Variants in SCP2 observed in about 807,000 individuals in gnomAD.
SCP2 encodes SCP-2/3-oxoacyl-CoA thiolase.
Under a neutral mutation model 71.4 loss-of-function variants are expected in SCP2, and 48 were observed. That is an observed-to-expected ratio of 0.67 (90% CI 0.53 to 0.86). The LOEUF is 0.86. Among genes scored for constraint, SCP2 ranks in the 40% least tolerant of loss-of-function variants. SCP2 has a pLI of 0.00. For missense variants in SCP2, 560 were observed against 655.6 expected (o/e 0.85, Z 1.59); for synonymous variants, 220 against 218.1 (o/e 1.01, Z -0.08).
At chr1:52,986,566 T>C (rs574922113) in intron 10 of SCP2, among the ~76,000 whole-genome samples, 2 of 152,226 alleles carry the variant, frequency 1.3e-5, no homozygotes, top group Non-Finnish European at 2.9e-5. Context: ...CTTTTGTTTT[T>C]GAAGGCAATA....
intron 1 of SCP2, among the ~76,000 whole-genome samples, chr1:52,928,098 A>C (rs1422354835): frequency 1.3e-5 from 2 of 152,018 alleles, no homozygotes; most frequent in Non-Finnish European, 2.9e-5. Flanking sequence ...TTCACCTGTT[A>C]ACTTTTGTGC....
chr1:53,002,012 G>A (rs1387408903), intron 11 of SCP2, among the ~76,000 whole-genome samples: 8 of 152,098 alleles, frequency 5.3e-5, no homozygotes, highest in South Asian at 2.1e-4. Flanking sequence ...GTGAAACCCC[G>A]TCTCTACTAA....
intron 11 of SCP2, among the ~76,000 whole-genome samples, chr1:53,006,794 T>G (rs924333075): frequency 1.7e-4 from 26 of 152,206 alleles, no homozygotes; most frequent in African/African-American, 6.0e-4. Flanking sequence ...TAACCTTAAA[T>G]GTAAATGGGC....
chr1:52,987,006 A>T lies in SCP2; in HGVS notation c.974-1023A>T, dbSNP rs969050046. 3.0e-3 allele frequency among the ~76,000 whole-genome samples: 334 copies of T among 110,474 alleles called. 7 individuals carry two copies. The highest frequency in any genetic ancestry group is 0.012 in the African/African-American group (289 of 25,108). The allele number at this position is 110,474 out of a possible 152,430, so 72.5% of individuals were successfully genotyped here. On this transcript the variant is annotated intron_variant, in intron 10 of 15. Coordinates refer to ENST00000371514, the MANE Select transcript of SCP2 (RefSeq NM_002979.5). ...CTTCTGTATATATATATATATATATATTTTTTTTTTTTTTTTTTTGAGACA... is the reference window on the plus strand; with the variant it reads ...CTTCTGTATATATATATATATATATTTTTTTTTTTTTTTTTTTTTGAGACA...
intron 6 of SCP2, among the ~76,000 whole-genome samples, chr1:52,968,566 A>G (rs761547912): frequency 2.9e-4 from 44 of 152,182 alleles, no homozygotes; most frequent in Non-Finnish European, 5.0e-4. Flanking sequence ...TAATATATTC[A>G]CAGAGTTGCA....
At chr1:52,998,111 G>A (rs1486766722) in intron 11 of SCP2, among the ~76,000 whole-genome samples, 1 of 152,132 alleles carries the variant, frequency 6.6e-6, no homozygotes, top group African/African-American at 2.4e-5. Context: ...GTATTCTATT[G>A]TTGAAATATA....
chr1:52,961,673 T>G, intron 6 of SCP2, 44 bp downstream of exon 6: 1 of 1,518,318 alleles, frequency 6.6e-7, no homozygotes, highest in Non-Finnish European at 9.1e-7. Flanking sequence ...ACTAGTTATA[T>G]ACATGAGATG....
rs1351623718 is a variant in SCP2, at chr1:53,050,809, C to T, written c.*105C>T. 17 of 838,446 alleles carry T rather than the reference C, an allele frequency of 2.0e-5. No homozygotes were observed. The East Asian group carries it at 2.7e-4, about 14-fold the overall frequency. 51.9% of individuals were successfully genotyped at this position (838,446 alleles called of 1,614,324 possible). ...ACTGAAACTACACATTGGCAAATAG[C>T]GTGGGATAGATTTGTTTCTTAATGG... On this transcript the variant is annotated 3_prime_UTR_variant, in exon 16 of 16. Coordinates refer to ENST00000371514, the MANE Select transcript of SCP2 (RefSeq NM_002979.5).
chr1:53,022,649 C>T (rs2150238289), intron 12 of SCP2, among the ~76,000 whole-genome samples: 1 of 152,298 alleles, frequency 6.6e-6, no homozygotes, highest in South Asian at 2.1e-4. Flanking sequence ...GTTTAATCCT[C>T]ATAAAAGTCC....
At chr1:53,031,924 G>T (rs12075986) in intron 13 of SCP2, among the ~76,000 whole-genome samples, 25,873 of 151,602 alleles carry the variant, frequency 0.17, 4,718 homozygotes, top group African/African-American at 0.47. Context: ...GCTGTAACTT[G>T]TTGGTGTCTG....
chr1:53,031,166 A>T (rs1662520508), intron 13 of SCP2, among the ~76,000 whole-genome samples: 2 of 152,142 alleles, frequency 1.3e-5, no homozygotes, highest in Admixed American at 1.3e-4. Flanking sequence ...ATTAATGTAG[A>T]GATTATCTAC....
At chr1:53,033,148 T>A (rs986818758) in intron 13 of SCP2, among the ~76,000 whole-genome samples, 2 of 152,218 alleles carry the variant, frequency 1.3e-5, no homozygotes, top group African/African-American at 2.4e-5. Context: ...ACTATTCAGA[T>A]AAGTAGTCCC....
intron 13 of SCP2, among the ~76,000 whole-genome samples, chr1:53,037,244 T>A (rs74224006): frequency 0.14 from 20,632 of 152,050 alleles, 2,007 homozygotes; most frequent in East Asian, 0.32. Context: ...TCTCTAAAAA[T>A]TTTTTTTCAA....
intron 12 of SCP2, among the ~76,000 whole-genome samples, chr1:53,018,562 C>T (rs11206072): frequency 0.32 from 47,926 of 151,504 alleles, 12,669 homozygotes; most frequent in African/African-American, 0.72. Context: ...GACAACATGG[C>T]GAAACCCCCT....
intron 5 of SCP2, among the ~76,000 whole-genome samples, 197 bp downstream of exon 5, chr1:52,955,001 T>C (rs1655669578): frequency 6.6e-6 from 1 of 152,214 alleles, no homozygotes; most frequent in South Asian, 2.1e-4. Context: ...TGAAGTTGAC[T>C]TATCTATTTA....
intron 1 of SCP2, among the ~76,000 whole-genome samples, chr1:52,931,945 A>T (rs1279607549): frequency 1.3e-5 from 2 of 152,184 alleles, no homozygotes; most frequent in Non-Finnish European, 2.9e-5. Flanking sequence ...GCTATTTTAA[A>T]AAAAAAGACA....
intron 6 of SCP2, among the ~76,000 whole-genome samples, chr1:52,971,830 T>C (rs899973142): frequency 6.6e-6 from 1 of 152,220 alleles, no homozygotes; most frequent in Admixed American, 6.5e-5. Context: ...TCAGATAGTT[T>C]GTTTATGACC....
chr1:52,964,352 A>C (rs1282385007), intron 6 of SCP2, among the ~76,000 whole-genome samples: 1 of 150,888 alleles, frequency 6.6e-6, no homozygotes, highest in African/African-American at 2.4e-5. Context: ...TAGGCACCCG[A>C]CCACCACACA....
chr1:52,985,430 A>G (rs1658902105), intron 10 of SCP2, among the ~76,000 whole-genome samples: 2 of 152,128 alleles, frequency 1.3e-5, no homozygotes, highest in South Asian at 2.1e-4. Flanking sequence ...TCTACCTTCA[A>G]AATAAATCCA....
Sources: allele counts gnomAD v4.1 joint callset (sites outside exome capture counted in the v4.1 genomes callset), GRCh38; gene constraint gnomAD v4.1.1; transcripts MANE v1.5; gene names NCBI Gene and HGNC (gene_info 2026-07-23, HGNC 2026-07-21).